Variants in ERC1 observed in about 807,000 individuals in gnomAD.
ERC1 encodes the protein RAB6 interacting protein 2.
In ERC1, 56 loss-of-function variants were observed where a neutral mutation model predicts 132.0. The ratio of observed to expected loss-of-function variants is 0.42; its 90% CI spans 0.34 to 0.53. The LOEUF (loss-of-function observed/expected upper bound fraction) is 0.53. Ranked by LOEUF, ERC1 falls within the 20% of genes least tolerant of loss-of-function variation. The pLI, the probability that ERC1 is intolerant of heterozygous loss-of-function variation, is 0.03. For synonymous variants in ERC1, 478 were observed against 476.1 expected, an observed-to-expected ratio of 1.00 and a Z score of -0.05; for missense variants, 1,202 against 1,349.9, an observed-to-expected ratio of 0.89 and a Z score of 1.72.
At chr12:1,047,323 A>G (rs1384770381) in intron 2 of ERC1, among the ~76,000 whole-genome samples, 1 of 152,172 alleles carries the variant, frequency 6.6e-6, no homozygotes, top group Non-Finnish European at 1.5e-5. Flanking sequence ...ATTTATTGAC[A>G]CATACAGAAA....
chr12:1,411,482 G>T (rs1009807365), intron 17 of ERC1, among the ~76,000 whole-genome samples: 1 of 151,956 alleles, frequency 6.6e-6, no homozygotes, highest in South Asian at 2.1e-4. Flanking sequence ...AAGGGGCCAT[G>T]CGCTGTGAGG....
At chr12:1,157,228 C>G (rs1053821731) in intron 8 of ERC1, among the ~76,000 whole-genome samples, 1 of 152,126 alleles carries the variant, frequency 6.6e-6, no homozygotes, top group Non-Finnish European at 1.5e-5. Flanking sequence ...CTCAGACTCT[C>G]GAGTAGCTGG....
intron 17 of ERC1, among the ~76,000 whole-genome samples, chr12:1,425,575 C>T (rs1437739799): frequency 1.3e-5 from 2 of 152,336 alleles, no homozygotes; most frequent in East Asian, 3.9e-4. Flanking sequence ...ACAAAGGTCT[C>T]ACGCAGTCAT....
chr12:1,015,398 A>G (rs1437179346), intron 1 of ERC1, among the ~76,000 whole-genome samples: 2 of 152,078 alleles, frequency 1.3e-5, no homozygotes, highest in African/African-American at 4.8e-5. Context: ...GGATTGCCTG[A>G]AAGAAATTTT....
At chr12:1,173,889 A>G (rs140588042) in intron 8 of ERC1, among the ~76,000 whole-genome samples, 60 of 152,170 alleles carry the variant, frequency 3.9e-4, no homozygotes, top group Middle Eastern at 3.4e-3. Flanking sequence ...TGCTGAATTC[A>G]GTGAGTGAGG....
chr12:1,104,912 C>T (rs1051616369), intron 4 of ERC1, 88 bp downstream of exon 4: 4 of 784,452 alleles, frequency 5.1e-6, no homozygotes, highest in Non-Finnish European at 8.9e-6. Flanking sequence ...TAGGAAATGG[C>T]ATGTAATAGT....
chr12:1,256,277 C>CTTT (rs34218918), intron 13 of ERC1, among the ~76,000 whole-genome samples: 3 of 143,162 alleles, frequency 2.1e-5, no homozygotes, highest in African/African-American at 7.6e-5. Context: ...CTGTTTTTGC[C>CTTT]TTTTTTTTTT....
At chr12:994,988 C>T (rs768171955) in intron 1 of ERC1, among the ~76,000 whole-genome samples, 5 of 151,770 alleles carry the variant, frequency 3.3e-5, no homozygotes, top group Non-Finnish European at 5.9e-5. Context: ...CCTGGCTACT[C>T]GCAAGGCTAA....
intron 2 of ERC1, among the ~76,000 whole-genome samples, chr12:1,074,111 C>T (rs750925265): frequency 1.3e-5 from 2 of 152,042 alleles, no homozygotes; most frequent in African/African-American, 2.4e-5. Flanking sequence ...ATCTGCCCGC[C>T]TCTGCCTTCC....
intron 13 of ERC1, among the ~76,000 whole-genome samples, chr12:1,252,387 T>C (rs918099657): frequency 1.3e-5 from 2 of 152,178 alleles, no homozygotes; most frequent in African/African-American, 4.8e-5. Flanking sequence ...AAAGGTATGC[T>C]TGTTCTTTTT....
intron 13 of ERC1, among the ~76,000 whole-genome samples, chr12:1,240,364 T>A (rs964751114): frequency 3.3e-5 from 5 of 152,218 alleles, no homozygotes; most frequent in African/African-American, 1.2e-4. Context: ...TTTGCATGTT[T>A]GAAATTGTCC....
At chr12:1,198,437 AAGAT>A (rs1956549292) in intron 12 of ERC1, among the ~76,000 whole-genome samples, 1 of 152,248 alleles carries the variant, frequency 6.6e-6, no homozygotes, top group Admixed American at 6.5e-5. Context: ...TATTCTGAGA[AAGAT>A]AGAACTGGAG....
intron 12 of ERC1, among the ~76,000 whole-genome samples, chr12:1,200,671 G>T (rs1956826406): frequency 6.6e-6 from 1 of 151,830 alleles, no homozygotes; most frequent in Non-Finnish European, 1.5e-5. Context: ...CCATTCTCCT[G>T]CCTCACCCTC....
chr12:1,195,887 C>CT (rs1315906191), intron 12 of ERC1, among the ~76,000 whole-genome samples: 6 of 130,966 alleles, frequency 4.6e-5, no homozygotes, highest in East Asian at 2.5e-4. Context: ...CCCCCCCCCC[C>CT]TTTTTTTGTA....
intron 1 of ERC1, among the ~76,000 whole-genome samples, chr12:1,012,009 T>G (rs1194052208): frequency 6.6e-6 from 1 of 152,154 alleles, no homozygotes; most frequent in Non-Finnish European, 1.5e-5. Flanking sequence ...CAGACATTGG[T>G]TTGTAAATGG....
In ERC1 at chr12:1,121,883, GTCTCTATCTCTATCTCTATCTCTA is replaced by G. The variant is rs1243960722; in HGVS notation, c.1569+5872_1569+5895del. Among the ~76,000 whole-genome samples the G allele has an allele frequency of 2.0e-3, 57 of 28,900 alleles. 11 individuals are homozygous for G. Among genetic ancestry groups the G allele is most frequent in the Non-Finnish European group, 3.2e-3 (45 of 13,956 alleles). The allele number at this position is 28,900 out of a possible 152,430, so 19.0% of individuals were successfully genotyped here. A position where few individuals can be genotyped will look rare whatever the true frequency, so the allele number is the denominator to read the frequency against. On this transcript the variant is annotated intron_variant, in intron 7 of 18. Transcript: ENST00000360905. The stretch of plus-strand genomic sequence containing the variant: ...TATCTCTATCTCTATCTCTATCTGT[GTCTCTATCTCTATCTCTATCTCTA>G]TCTCTATCTCTATCTCTATCTGTGT...
At chr12:1,200,563 C>T (rs1486860127) in intron 12 of ERC1, among the ~76,000 whole-genome samples, 1 of 147,440 alleles carries the variant, frequency 6.8e-6, no homozygotes, top group African/African-American at 2.5e-5. Context: ...ATTTCCTTTT[C>T]TTTTTTTTTT....
chr12:1,473,143 A>T (rs1162455682), intron 18 of ERC1, among the ~76,000 whole-genome samples: 1 of 152,154 alleles, frequency 6.6e-6, no homozygotes. Flanking sequence ...CTCCTGCCTC[A>T]GCTTCCTGAG....
At chr12:1,333,905 C>A (rs961421860) in intron 15 of ERC1, among the ~76,000 whole-genome samples, 3 of 152,194 alleles carry the variant, frequency 2.0e-5, no homozygotes, top group Non-Finnish European at 4.4e-5. Flanking sequence ...TTTCCCACAA[C>A]CTCGCCAGCA....
Sources: allele counts gnomAD v4.1 joint callset (sites outside exome capture counted in the v4.1 genomes callset), GRCh38; gene constraint gnomAD v4.1.1; transcripts MANE v1.5; gene names NCBI Gene and HGNC (gene_info 2026-07-23, HGNC 2026-07-21).